SERINC5: variants seen among roughly 807,000 people sequenced by gnomAD.
SERINC5 encodes chromosome 5 open reading frame 12.
A neutral mutation model predicts 63.1 loss-of-function variants in SERINC5; 41 were observed. The ratio of observed to expected loss-of-function variants is 0.65; its 90% confidence interval spans 0.51 to 0.84. SERINC5 has a LOEUF of 0.84. Ranked by LOEUF, SERINC5 falls within the 40% of genes least tolerant of loss-of-function variation. The pLI is 0.00. For synonymous variants in SERINC5, 222 were observed against 215.2 expected (o/e 1.03, Z -0.28); for missense variants, 523 against 573.0 (o/e 0.91, Z 0.89).
At chr5:80,247,327 T>C (rs1752208570) in intron 1 of SERINC5, among the ~76,000 whole-genome samples, 1 of 152,136 alleles carries the variant, frequency 6.6e-6, no homozygotes, top group Admixed American at 6.5e-5. Flanking sequence ...CACTCCCAGA[T>C]ACTCAGTATC....
chr5:80,136,756 GA>G (rs1482426284), downstream of SERINC5, among the ~76,000 whole-genome samples: 4 of 152,170 alleles, frequency 2.6e-5, no homozygotes, highest in African/African-American at 9.7e-5. Context: ...TCAATAGCAA[GA>G]AAACAACCCA....
chr5:80,181,801 T>C (rs1748446182), intron 2 of SERINC5, among the ~76,000 whole-genome samples: 1 of 152,130 alleles, frequency 6.6e-6, no homozygotes, highest in Admixed American at 6.5e-5. Context: ...AAAGGGTAGG[T>C]ACGGTTCTAA....
chr5:80,177,479 T>C (rs1185317536), intron 3 of SERINC5, 82 bp from the exon 4 acceptor site: 2 of 1,066,628 alleles, frequency 1.9e-6, no homozygotes, highest in South Asian at 1.4e-5. Context: ...AGGTACAGCA[T>C]GTCAATCCAT....
intron 2 of SERINC5, among the ~76,000 whole-genome samples, chr5:80,195,277 ACT>A (rs1378212949): frequency 6.8e-6 from 1 of 147,022 alleles, no homozygotes; most frequent in Non-Finnish European, 1.5e-5. Context: ...CAAGAGTGAA[ACT>A]CTGTCGCAAA....
chr5:80,137,624 CCAAG>C (rs1468888286), downstream of SERINC5, among the ~76,000 whole-genome samples: 1 of 121,796 alleles, frequency 8.2e-6, no homozygotes, highest in African/African-American at 3.0e-5. Flanking sequence ...GCTTGGGCGA[CCAAG>C]CAAGACTCTA....
chr5:80,139,288 T>G lies in SERINC5; in HGVS notation c.*4375A>C, dbSNP rs1460704128. 3.1e-6 allele frequency: 3 copies of G among 977,236 alleles called. No homozygotes were observed. In the African/African-American group the frequency reaches 5.3e-5, roughly 17 times the overall value. 60.5% of individuals were successfully genotyped at this position (977,236 alleles called of 1,614,324 possible). ...GGAAAACAAAACAATCCTCTTAAAT[T>G]TCTTATAAATAGCTCTCCAGACATA... is the stretch of plus-strand genomic sequence containing the variant. On this transcript the variant is annotated 3_prime_UTR_variant, in exon 12 of 12. Coordinates refer to ENST00000507668, the MANE Select transcript of SERINC5 (RefSeq NM_001174072.3).
intron 2 of SERINC5, among the ~76,000 whole-genome samples, chr5:80,182,634 C>T (rs1748527552): frequency 6.6e-6 from 1 of 151,408 alleles, no homozygotes; most frequent in African/African-American, 2.4e-5. Context: ...CAACCTCTGC[C>T]TCCCAGGTTC....
Position 80,140,012 on chromosome 5 carries a change from T to C in SERINC5, c.*3651A>G. The C allele has an allele frequency of 1.0e-6, 1 of 985,224 alleles. No homozygotes were observed. Among genetic ancestry groups the C allele is most frequent in the Non-Finnish European group, 1.2e-6 (1 of 829,902 alleles). 61.0% of individuals were successfully genotyped at this position (985,224 alleles called of 1,614,324 possible). On this transcript the variant is annotated 3_prime_UTR_variant, in exon 12 of 12. Coordinates refer to ENST00000507668, the MANE Select transcript of SERINC5 (RefSeq NM_001174072.3). The stretch of plus-strand genomic sequence containing the variant: ...GGTGAAGCACCAATGATGGCAAAAA[T>C]TAAATAAATACATCATCTTAAAAAG...
chr5:80,195,557 T>A (rs1749449669), intron 2 of SERINC5, among the ~76,000 whole-genome samples: 1 of 152,148 alleles, frequency 6.6e-6, no homozygotes, highest in Admixed American at 6.5e-5. Context: ...GTTTCAGGCA[T>A]TTTTGGATCC....
intron 11 of SERINC5, among the ~76,000 whole-genome samples, chr5:80,121,469 G>C (rs543070113): frequency 6.6e-6 from 1 of 152,110 alleles, no homozygotes; most frequent in Admixed American, 6.5e-5. Flanking sequence ...ATCAAGGCGT[G>C]AGGCATCCAC....
intron 9 of SERINC5, among the ~76,000 whole-genome samples, chr5:80,149,127 A>G (rs1005947487): frequency 1.3e-5 from 2 of 152,166 alleles, no homozygotes; most frequent in African/African-American, 4.8e-5. Flanking sequence ...ACACTCGGAC[A>G]TTTTCCCTTG....
intron 1 of SERINC5, among the ~76,000 whole-genome samples, chr5:80,236,837 TTTTTC>T (rs768251115): frequency 9.3e-5 from 14 of 150,908 alleles, no homozygotes; most frequent in East Asian, 5.9e-4. Flanking sequence ...CAGTGTTTCT[TTTTTC>T]TTTTCTTTTC....
chr5:80,213,019 T>C (rs532482242), intron 1 of SERINC5, among the ~76,000 whole-genome samples: 9 of 151,962 alleles, frequency 5.9e-5, no homozygotes, highest in Non-Finnish European at 1.0e-4. Flanking sequence ...CTGAGGCAGG[T>C]AGACCACTCA....
chr5:80,165,199 T>TAA (rs941516466), intron 7 of SERINC5, among the ~76,000 whole-genome samples: 1 of 149,122 alleles, frequency 6.7e-6, no homozygotes, highest in African/African-American at 2.5e-5. Context: ...ATAGAGTATT[T>TAA]AAAAAAAAAA....
chr5:80,223,944 G>A (rs1751040801), intron 1 of SERINC5, among the ~76,000 whole-genome samples: 3 of 150,954 alleles, frequency 2.0e-5, no homozygotes, highest in African/African-American at 7.4e-5. Context: ...TGGCCAACAT[G>A]GTGAAACCCC....
chr5:80,171,720 AAAACAAAAAAC>A (rs1273768361), intron 5 of SERINC5, among the ~76,000 whole-genome samples: 1 of 151,940 alleles, frequency 6.6e-6, no homozygotes, highest in Non-Finnish European at 1.5e-5. Flanking sequence ...AAACCAAACC[AAAACAAAAAAC>A]AAACAAAAAA....
chr5:80,250,390 G>A (rs1752356282), intron 1 of SERINC5, among the ~76,000 whole-genome samples: 1 of 152,210 alleles, frequency 6.6e-6, no homozygotes, highest in Admixed American at 6.5e-5. Flanking sequence ...TGCCCAAGCT[G>A]GAGTGAAGTG....
chr5:80,127,051 T>A (rs1038204042), intron 11 of SERINC5, among the ~76,000 whole-genome samples: 2 of 152,184 alleles, frequency 1.3e-5, no homozygotes, highest in Non-Finnish European at 2.9e-5. Context: ...TGACAGCCTA[T>A]GTGACAGGGA....
intron 1 of SERINC5, among the ~76,000 whole-genome samples, chr5:80,251,047 A>G (rs1300217130): frequency 6.6e-6 from 1 of 152,180 alleles, no homozygotes; most frequent in Non-Finnish European, 1.5e-5. Flanking sequence ...AGGCTTTGTT[A>G]ATTAACATAA....
Sources: gnomAD v4.1 joint callset for allele counts (sites outside exome capture counted in the v4.1 genomes callset) on GRCh38, gnomAD v4.1.1 for gene constraint, MANE v1.5 for transcripts, NCBI Gene and HGNC (gene_info 2026-07-23, HGNC 2026-07-21) for gene names.